LRRC4C: variants seen among roughly 807,000 people sequenced by gnomAD.
LRRC4C encodes leucine rich repeat containing 4C.
LRRC4C carries 5 observed loss-of-function variants against 33.6 expected under a neutral mutation model. That is an observed-to-expected ratio of 0.15 (90% CI 0.08 to 0.31). The LOEUF (loss-of-function observed/expected upper bound fraction) is 0.31, where lower values mean the gene tolerates loss of function less well. Ranked by LOEUF, LRRC4C falls within the 10% of genes least tolerant of loss-of-function variation. The pLI, the probability that LRRC4C is intolerant of heterozygous loss-of-function variation, is 1.00. For missense variants in LRRC4C, 560 were observed against 796.7 expected (o/e 0.70, Z 3.58); for synonymous variants, 329 against 302.0 (o/e 1.09, Z -0.93).
intron 4 of LRRC4C, among the ~76,000 whole-genome samples, chr11:40,242,765 T>C (rs1051096908): frequency 7.0e-5 from 9 of 128,382 alleles, no homozygotes; most frequent in African/African-American, 2.3e-4. Flanking sequence ...ATACAAATTC[T>C]AGAAAAAAGT....
chr11:41,231,818 T>C (rs1437185380), intron 1 of LRRC4C, among the ~76,000 whole-genome samples: 1 of 151,854 alleles, frequency 6.6e-6, no homozygotes, highest in Non-Finnish European at 1.5e-5. Context: ...TATGTAGATA[T>C]ACACATATAT....
intron 3 of LRRC4C, among the ~76,000 whole-genome samples, chr11:40,418,787 GGAGT>G (rs1950419183): frequency 6.6e-6 from 1 of 152,154 alleles, no homozygotes; most frequent in Non-Finnish European, 1.5e-5. Flanking sequence ...GCCATAAAAA[GGAGT>G]GAGATCATGT....
intron 3 of LRRC4C, among the ~76,000 whole-genome samples, chr11:40,339,847 G>C (rs1321169869): frequency 6.6e-6 from 1 of 152,046 alleles, no homozygotes; most frequent in African/African-American, 2.4e-5. Context: ...AGGAGCAATA[G>C]TAAAGAGTAA....
chr11:40,806,706 T>C (rs942800901), intron 2 of LRRC4C, among the ~76,000 whole-genome samples: 2 of 152,218 alleles, frequency 1.3e-5, no homozygotes, highest in South Asian at 4.1e-4. Flanking sequence ...CACATATCTG[T>C]GTGTATTTTG....
rs528706932 is a variant in LRRC4C at position 40,692,505 on chromosome 11, C to T, written c.-406-44227G>A. Among the ~76,000 whole-genome samples, 632 of 151,990 alleles carry T rather than the reference C, an allele frequency of 4.2e-3. 7 individuals carry two copies. The highest frequency in any genetic ancestry group is 4.3e-3 in the Non-Finnish European group (294 of 67,946). The stretch of plus-strand genomic sequence containing the variant: ...TTAAAATATGAATATTTTAACAATG[C>T]AGAAGTGGGGACAAAGCAAAGGAAG... On this transcript the variant is annotated intron_variant, in intron 2 of 6. Transcript: ENST00000528697.
chr11:41,456,854 C>G (rs1385997390), intron 1 of LRRC4C, among the ~76,000 whole-genome samples: 1 of 152,082 alleles, frequency 6.6e-6, no homozygotes, highest in Non-Finnish European at 1.5e-5. Flanking sequence ...AGCTGTTTAT[C>G]ATTGCTCTGG....
intron 1 of LRRC4C, among the ~76,000 whole-genome samples, chr11:41,108,104 G>A (rs1441716707): frequency 6.6e-6 from 1 of 152,036 alleles, no homozygotes; most frequent in Non-Finnish European, 1.5e-5. Context: ...TTCCTGATAA[G>A]CACTAAAGGG....
chr11:41,373,713 T>C (rs117294610), intron 1 of LRRC4C, among the ~76,000 whole-genome samples: 216 of 152,268 alleles, frequency 1.4e-3, no homozygotes, highest in Non-Finnish European at 2.7e-3. Flanking sequence ...GTGTAAGCTT[T>C]TTTATAATTT....
At chr11:41,058,464 A>T (rs571211714) in intron 1 of LRRC4C, among the ~76,000 whole-genome samples, 1 of 152,358 alleles carries the variant, frequency 6.6e-6, no homozygotes, top group Non-Finnish European at 1.5e-5. Flanking sequence ...GGACCCAAGC[A>T]GGTAGTGTGA....
At chr11:40,624,466 A>T (rs933405465) in intron 3 of LRRC4C, among the ~76,000 whole-genome samples, 2 of 152,068 alleles carry the variant, frequency 1.3e-5, no homozygotes, top group Admixed American at 1.3e-4. Context: ...CCAATAAATT[A>T]CTCTGGTAAC....
chr11:41,062,833 C>G (rs564446610), intron 1 of LRRC4C, among the ~76,000 whole-genome samples: 4 of 152,166 alleles, frequency 2.6e-5, no homozygotes, highest in South Asian at 2.1e-4. Flanking sequence ...TACACACACA[C>G]AGAGAAGGAA....
intron 1 of LRRC4C, among the ~76,000 whole-genome samples, chr11:41,445,605 C>T (rs1955797076): frequency 6.6e-6 from 1 of 151,882 alleles, no homozygotes; most frequent in South Asian, 2.1e-4. Flanking sequence ...ATCAGAGGAC[C>T]CATATTTAAA....
At position 40,742,548 on chromosome 11, in the gene LRRC4C, C is replaced by T. The variant is rs749983816; in HGVS notation, c.-406-94270G>A. Among the ~76,000 whole-genome samples, 52 of 151,862 alleles carry T rather than the reference C, an allele frequency of 3.4e-4. 1 individual carries two copies. The highest frequency in any genetic ancestry group is 1.6e-4 in the Non-Finnish European group (11 of 67,892). ...AATTAATAGCAAGTAGATGGCATTC[C>T]TAATAGATTGTGCAGTTCAAGGGCT... On this transcript the variant is annotated intron_variant, in intron 2 of 6. Transcript: ENST00000528697.
intron 1 of LRRC4C, among the ~76,000 whole-genome samples, chr11:41,182,678 T>A (rs2136163556): frequency 6.6e-6 from 1 of 152,250 alleles, no homozygotes; most frequent in Admixed American, 6.5e-5. Flanking sequence ...GAGTTATTTT[T>A]AATACCTCAA....
At chr11:40,456,917 AG>A (rs5791382) in intron 3 of LRRC4C, among the ~76,000 whole-genome samples, 59,375 of 150,874 alleles carry the variant, frequency 0.39, 11,994 homozygotes, top group East Asian at 0.54. Flanking sequence ...AAAGAAAGGA[AG>A]GGGAAAAAAA....
chr11:40,246,681 A>G (rs1477039443), intron 4 of LRRC4C, among the ~76,000 whole-genome samples: 1 of 152,188 alleles, frequency 6.6e-6, no homozygotes, highest in Non-Finnish European at 1.5e-5. Context: ...CCCTCAAATC[A>G]TTCTATACCC....
intron 1 of LRRC4C, among the ~76,000 whole-genome samples, chr11:41,344,833 G>A (rs1361691024): frequency 2.0e-5 from 3 of 152,274 alleles, no homozygotes; most frequent in Non-Finnish European, 2.9e-5. Context: ...AATTGAACAC[G>A]TTCAATTGAA....
intron 3 of LRRC4C, among the ~76,000 whole-genome samples, chr11:40,378,455 G>T (rs1194156967): frequency 6.6e-6 from 1 of 151,930 alleles, no homozygotes; most frequent in Admixed American, 6.6e-5. Context: ...AATGTTAAAA[G>T]TATTTTATTA....
intron 2 of LRRC4C, among the ~76,000 whole-genome samples, chr11:40,665,541 CACA>C (rs1943759454): frequency 6.6e-6 from 1 of 151,178 alleles, no homozygotes; most frequent in African/African-American, 2.4e-5. Context: ...TTCAGAGAAT[CACA>C]ACACCTCTCA....
Sources: gnomAD v4.1 joint callset for allele counts (sites outside exome capture counted in the v4.1 genomes callset) on GRCh38, gnomAD v4.1.1 for gene constraint, MANE v1.5 for transcripts, NCBI Gene and HGNC (gene_info 2026-07-23, HGNC 2026-07-21) for gene names.